SPTLC2: variants seen among roughly 807,000 people sequenced by gnomAD.
The protein encoded by SPTLC2 is serine palmitoyltransferase long chain base subunit 2.
In SPTLC2, 21 loss-of-function variants were observed where a neutral mutation model predicts 62.0. The observed-to-expected ratio is 0.34, with a 90% CI of 0.24 to 0.49. The LOEUF is 0.49. Ranked by LOEUF, SPTLC2 falls within the 20% of genes least tolerant of loss-of-function variation. SPTLC2 has a pLI of 0.99. For synonymous variants in SPTLC2, 261 were observed against 261.8 expected (o/e 1.00, Z 0.03); for missense variants, 511 against 713.0 (o/e 0.72, Z 3.23).
chr14:77,567,994 T>C (rs940111013), intron 5 of SPTLC2, among the ~76,000 whole-genome samples: 3 of 152,140 alleles, frequency 2.0e-5, no homozygotes, highest in South Asian at 2.1e-4. Context: ...CCCCTAAGCA[T>C]TTTCTTTGAG....
At chr14:77,550,876 C>G (rs965893670) in intron 9 of SPTLC2, among the ~76,000 whole-genome samples, 1 of 150,600 alleles carries the variant, frequency 6.6e-6, no homozygotes, top group Non-Finnish European at 1.5e-5. Flanking sequence ...TACACTCCAG[C>G]CCGGGAGACA....
At chr14:77,547,298 C>T (rs1246909614) in intron 9 of SPTLC2, among the ~76,000 whole-genome samples, 3 of 151,960 alleles carry the variant, frequency 2.0e-5, no homozygotes, top group African/African-American at 7.3e-5. Context: ...CAAAACTGTG[C>T]TTACCAGAAA....
rs10147878 is a variant in SPTLC2 at position 77,554,775 on chromosome 14, G to A, written c.1176+525C>T. On this transcript the variant is annotated intron_variant, in intron 8 of 11. Transcript: ENST00000216484. ...ATTCTTACCTGCATCAAAATTCACCGTATGATTTTTTTCTGACTACAAAGA... is the reference window on the plus strand; with the variant it reads ...ATTCTTACCTGCATCAAAATTCACCATATGATTTTTTTCTGACTACAAAGA... 5.9e-3 allele frequency: 991 copies of A among 168,942 alleles called. 10 individuals carry two copies. The highest frequency in any genetic ancestry group is 0.022 in the African/African-American group (927 of 41,726). 10.5% of individuals were successfully genotyped at this position (168,942 alleles called of 1,614,324 possible).
rs1212300506 is a variant in SPTLC2 at position 77,555,342 on chromosome 14, T to C, written c.1134A>G (p.Thr378=). The C allele has an allele frequency of 1.2e-6, 2 of 1,614,044 alleles. No homozygotes were observed. The highest frequency in any genetic ancestry group is 1.7e-6 in the Non-Finnish European group (2 of 1,180,034). Residue 378 remains threonine, a synonymous_variant, in exon 8 of 12, where the codon ACA becomes ACG. Transcript: ENST00000216484. ...EDVDVMMGTF[T]KSFGASGGYI... Reference sequence around the variant, plus strand: ...ATCCTCCAGAAGCACCAAAACTCTTTGTGAACGTTCCCATCATAACATCCA... The same window carrying C: ...ATCCTCCAGAAGCACCAAAACTCTTCGTGAACGTTCCCATCATAACATCCA...
intron 5 of SPTLC2, among the ~76,000 whole-genome samples, chr14:77,569,189 CTGAT>C (rs931553861): frequency 1.3e-5 from 2 of 152,114 alleles, no homozygotes; most frequent in Non-Finnish European, 2.9e-5. Context: ...CACATTTCTT[CTGAT>C]TATTATTTGC....
At chr14:77,605,180 ATT>A (rs111975578) in intron 1 of SPTLC2, among the ~76,000 whole-genome samples, 8 of 142,940 alleles carry the variant, frequency 5.6e-5, no homozygotes, top group Admixed American at 7.0e-5. Flanking sequence ...TACCTGGTTA[ATT>A]TTTTTTTTTT....
chr14:77,520,546 G>C (rs868342890), intron 10 of SPTLC2, among the ~76,000 whole-genome samples: 1 of 152,192 alleles, frequency 6.6e-6, no homozygotes, highest in South Asian at 2.1e-4. Context: ...AACAAGATGT[G>C]CCTTTCTTAC....
intron 2 of SPTLC2, among the ~76,000 whole-genome samples, chr14:77,596,155 G>A (rs1173518058): frequency 6.6e-6 from 1 of 152,092 alleles, no homozygotes; most frequent in African/African-American, 2.4e-5. Flanking sequence ...GGCTAACACA[G>A]TAAAACCCCG....
chr14:77,563,112 T>A (rs969041335), intron 5 of SPTLC2, among the ~76,000 whole-genome samples: 2 of 152,014 alleles, frequency 1.3e-5, no homozygotes, highest in East Asian at 3.8e-4. Context: ...CAGTTCTTAC[T>A]CTTCCATCTC....
intron 5 of SPTLC2, among the ~76,000 whole-genome samples, chr14:77,563,337 C>T (rs1410379758): frequency 1.3e-5 from 2 of 152,142 alleles, no homozygotes; most frequent in Non-Finnish European, 2.9e-5. Flanking sequence ...TCACATTTAT[C>T]CAAATCCATC....
At chr14:77,590,940 T>C (rs1052044456) in intron 2 of SPTLC2, among the ~76,000 whole-genome samples, 6 of 152,118 alleles carry the variant, frequency 3.9e-5, no homozygotes, top group Non-Finnish European at 8.8e-5. Context: ...AGGGAAACTC[T>C]TGCAAACCTA....
intron 5 of SPTLC2, among the ~76,000 whole-genome samples, chr14:77,567,237 T>G (rs934342528): frequency 6.6e-6 from 1 of 152,178 alleles, no homozygotes; most frequent in Non-Finnish European, 1.5e-5. Context: ...ATTACAGGCG[T>G]GAGCCACTGC....
In SPTLC2 at chr14:77,616,605, C is replaced by T. The variant is rs748695967; in HGVS notation, c.-26G>A. ...CTTCCTGGCAGCACCAGGCGCAAGG[C>T]AGGCTCTGTAGGCGGTGGCAGCGGC... is the stretch of plus-strand genomic sequence containing the variant. On this transcript the variant is annotated 5_prime_UTR_variant, in exon 1 of 12. Transcript: ENST00000216484. 15 of 1,536,066 alleles carry T rather than the reference C, an allele frequency of 9.8e-6. No homozygotes were observed. Among genetic ancestry groups the T allele is most frequent in the African/African-American group, 4.1e-5 (3 of 73,008 alleles).
At chr14:77,564,174 G>A (rs970667353) in intron 5 of SPTLC2, among the ~76,000 whole-genome samples, 3 of 149,600 alleles carry the variant, frequency 2.0e-5, no homozygotes, top group African/African-American at 7.4e-5. Flanking sequence ...CAGTGAGGCA[G>A]TGAGCCGAAA....
intron 6 of SPTLC2, among the ~76,000 whole-genome samples, chr14:77,560,596 C>T (rs1328621499): frequency 6.7e-6 from 1 of 149,236 alleles, no homozygotes; most frequent in East Asian, 2.0e-4. Flanking sequence ...GCCTGGGAGA[C>T]AGAGCAAGAC....
At chr14:77,547,273 T>C (rs1269303860) in intron 9 of SPTLC2, among the ~76,000 whole-genome samples, 1 of 152,106 alleles carries the variant, frequency 6.6e-6, no homozygotes, top group Non-Finnish European at 1.5e-5. Context: ...TGCTAAACTC[T>C]ACTGTGGGTA....
chr14:77,596,216 G>A (rs1165205340), intron 2 of SPTLC2, among the ~76,000 whole-genome samples: 2 of 152,110 alleles, frequency 1.3e-5, no homozygotes, highest in Non-Finnish European at 2.9e-5. Flanking sequence ...GCAGGCACCT[G>A]TAGTCCCAGA....
chr14:77,512,444 T>G (rs756535379), intron 11 of SPTLC2, 41 bp from the exon 12 acceptor site: 1 of 1,613,938 alleles, frequency 6.2e-7, no homozygotes, highest in Non-Finnish European at 8.5e-7. Context: ...TCAGAGCCAG[T>G]AGGATGCAGG....
chr14:77,518,189 C>T, intron 10 of SPTLC2, 22 bp from the exon 11 acceptor site: 1 of 1,614,006 alleles, frequency 6.2e-7, no homozygotes, highest in Non-Finnish European at 8.5e-7. Flanking sequence ...AAAACAAGAA[C>T]AGAAACCAGG....
Sources: allele counts gnomAD v4.1 joint callset (sites outside exome capture counted in the v4.1 genomes callset), GRCh38; gene constraint gnomAD v4.1.1; transcripts MANE v1.5; gene names NCBI Gene and HGNC (gene_info 2026-07-23, HGNC 2026-07-21).